Variants in PRKACB observed in about 807,000 individuals in gnomAD.
PRKACB encodes the protein cAMP-dependent protein kinase catalytic subunit beta.
A neutral mutation model predicts 51.4 loss-of-function variants in PRKACB; 16 were observed. The ratio of observed to expected loss-of-function variants is 0.31; its 90% CI spans 0.21 to 0.47. PRKACB has a LOEUF of 0.47. Among genes scored for constraint, PRKACB ranks in the 20% least tolerant of loss-of-function variants. The probability of loss-of-function intolerance (pLI) is 1.00; values close to 1 mark genes in which losing one functional copy is unlikely to be tolerated. For synonymous variants in PRKACB, 147 were observed against 154.4 expected, an observed-to-expected ratio of 0.95 and a Z score of 0.35; for missense variants, 309 against 464.5, an observed-to-expected ratio of 0.67 and a Z score of 3.08.
chr1:84,201,038 T>G (rs1334830879), intron 7 of PRKACB, among the ~76,000 whole-genome samples: 1 of 152,136 alleles, frequency 6.6e-6, no homozygotes, highest in African/African-American at 2.4e-5. Flanking sequence ...GTTTTTTCCT[T>G]ATTTTACATT....
intron 1 of PRKACB, among the ~76,000 whole-genome samples, chr1:84,100,047 T>TAATA (rs1649215683): frequency 6.6e-6 from 1 of 152,206 alleles, no homozygotes; most frequent in South Asian, 2.1e-4. Flanking sequence ...ACTGGGTAAT[T>TAATA]AATAAAGGAA....
rs553426071 is a variant in PRKACB, at chr1:84,195,967, T to C, written c.561-649T>C. 4.9e-4 allele frequency among the ~76,000 whole-genome samples: 75 copies of C among 152,058 alleles called. 1 individual carries two copies. Among genetic ancestry groups the C allele is most frequent in the Middle Eastern group, 3.4e-3 (1 of 294 alleles). ...TACACTAACATAGAGATTATACTTA[T>C]GTCTGTGAATCTATGTAAACAAGCA... On this transcript the variant is annotated intron_variant, in intron 5 of 9. Coordinates refer to ENST00000370685, the MANE Select transcript of PRKACB (RefSeq NM_182948.4).
intron 2 of PRKACB, chr1:84,181,598 T>C: frequency 9.4e-7 from 1 of 1,058,558 alleles, no homozygotes; most frequent in Non-Finnish European, 1.3e-6. Context: ...TTCCTTATTG[T>C]TGTTGTTTTA....
chr1:84,191,498 AT>A (rs1191259687), intron 5 of PRKACB, among the ~76,000 whole-genome samples: 1 of 152,128 alleles, frequency 6.6e-6, no homozygotes, highest in Non-Finnish European at 1.5e-5. Flanking sequence ...GTATGCATCC[AT>A]AAAAAGAATG....
chr1:84,223,612 A>G (rs965149860), intron 9 of PRKACB, among the ~76,000 whole-genome samples: 2 of 151,428 alleles, frequency 1.3e-5, no homozygotes, highest in African/African-American at 4.8e-5. Context: ...CTCATGATCC[A>G]CCCACCTTGG....
At chr1:84,084,367 G>T (rs1247296668) in intron 1 of PRKACB, among the ~76,000 whole-genome samples, 2 of 152,082 alleles carry the variant, frequency 1.3e-5, no homozygotes, top group Non-Finnish European at 2.9e-5. Flanking sequence ...TGAAGAAATG[G>T]ACAGAGGGCC....
chr1:84,222,675 T>A (rs1171809063), intron 9 of PRKACB, among the ~76,000 whole-genome samples: 1 of 152,222 alleles, frequency 6.6e-6, no homozygotes, highest in Non-Finnish European at 1.5e-5. Flanking sequence ...CTTAAGCATT[T>A]CCTGTAGGGC....
chr1:84,190,392 A>G (rs1241497016), intron 5 of PRKACB, among the ~76,000 whole-genome samples: 1 of 151,872 alleles, frequency 6.6e-6, no homozygotes, highest in Non-Finnish European at 1.5e-5. Context: ...TTATCCCTGG[A>G]TTACTTATGA....
chr1:84,151,407 G>A (rs914075413), intron 1 of PRKACB, among the ~76,000 whole-genome samples: 15 of 152,140 alleles, frequency 9.9e-5, no homozygotes, highest in African/African-American at 3.6e-4. Flanking sequence ...GGTGATGGTC[G>A]CTGAAGGTTG....
At chr1:84,088,931 A>G (rs572302061) in intron 1 of PRKACB, among the ~76,000 whole-genome samples, 1 of 152,308 alleles carries the variant, frequency 6.6e-6, no homozygotes, top group East Asian at 1.9e-4. Context: ...GAGTTTATAG[A>G]GGAGTAGTAT....
chr1:84,191,233 A>G (rs1002139453), intron 5 of PRKACB, among the ~76,000 whole-genome samples: 6 of 152,028 alleles, frequency 3.9e-5, no homozygotes, highest in African/African-American at 7.2e-5. Flanking sequence ...AAATTCCTTT[A>G]GTGTTTGCTT....
chr1:84,157,879 G>A (rs1655699881), intron 1 of PRKACB, among the ~76,000 whole-genome samples: 1 of 152,110 alleles, frequency 6.6e-6, no homozygotes, highest in South Asian at 2.1e-4. Context: ...AGTCTGTGTG[G>A]ACATATGTTT....
intron 1 of PRKACB, among the ~76,000 whole-genome samples, chr1:84,102,443 C>T (rs551888498): frequency 7.9e-5 from 12 of 152,008 alleles, no homozygotes; most frequent in Non-Finnish European, 1.3e-4. Flanking sequence ...GTGTGGCTCA[C>T]GTTACTCTAA....
chr1:84,234,323 C>T (rs1676316073), intron 9 of PRKACB, among the ~76,000 whole-genome samples: 1 of 152,212 alleles, frequency 6.6e-6, no homozygotes, highest in South Asian at 2.1e-4. Context: ...TCAAAGCTGT[C>T]AGACAGGGAC....
chr1:84,113,513 T>C (rs1650397548), intron 1 of PRKACB, among the ~76,000 whole-genome samples: 2 of 152,150 alleles, frequency 1.3e-5, no homozygotes, highest in Non-Finnish European at 2.9e-5. Flanking sequence ...TGTGCACTTC[T>C]AGAAAAATAG....
chr1:84,207,416 G>C (rs1464487783), intron 8 of PRKACB, among the ~76,000 whole-genome samples: 3 of 152,096 alleles, frequency 2.0e-5, no homozygotes, highest in Non-Finnish European at 4.4e-5. Context: ...AGATGCCCAG[G>C]TCTTATGAGG....
At chr1:84,123,852 C>A (rs1651307552) in intron 1 of PRKACB, among the ~76,000 whole-genome samples, 2 of 152,020 alleles carry the variant, frequency 1.3e-5, no homozygotes, top group South Asian at 2.1e-4. Context: ...GTTACATAGT[C>A]TAATATAAAT....
chr1:84,164,376 GC>G (rs889815969), intron 1 of PRKACB: 2 of 1,566,674 alleles, frequency 1.3e-6, no homozygotes, highest in African/African-American at 2.7e-5. Flanking sequence ...ACGTTTAGGT[GC>G]AATCATTCTG....
At chr1:84,139,009 C>G (rs1465841407) in intron 1 of PRKACB, among the ~76,000 whole-genome samples, 3 of 151,664 alleles carry the variant, frequency 2.0e-5, no homozygotes, top group Non-Finnish European at 4.4e-5. Flanking sequence ...TTCACTAACC[C>G]AGGAAAAAAA....
Sources: gnomAD v4.1 joint callset for allele counts (sites outside exome capture counted in the v4.1 genomes callset) on GRCh38, gnomAD v4.1.1 for gene constraint, MANE v1.5 for transcripts, NCBI Gene and HGNC (gene_info 2026-07-23, HGNC 2026-07-21) for gene names.